Variants in GPR155 observed in about 807,000 individuals in gnomAD.
The protein encoded by GPR155 is G protein-coupled receptor 155.
A neutral mutation model predicts 93.1 loss-of-function variants in GPR155; 65 were observed. The ratio of observed to expected loss-of-function variants is 0.70; its 90% CI spans 0.57 to 0.86. The LOEUF (loss-of-function observed/expected upper bound fraction) is 0.86, where lower values mean the gene tolerates loss of function less well. GPR155 is among the 40% of genes least tolerant of loss of function. The pLI, the probability that GPR155 is intolerant of heterozygous loss-of-function variation, is 0.00. For missense variants in GPR155, 838 were observed against 1,034.8 expected (o/e 0.81, Z 2.61); for synonymous variants, 319 against 360.1 (o/e 0.89, Z 1.29).
intron 13 of GPR155, among the ~76,000 whole-genome samples, chr2:174,442,423 G>A (rs549999662): frequency 4.6e-5 from 7 of 152,196 alleles, no homozygotes; most frequent in East Asian, 1.9e-4. Flanking sequence ...CTGAGCAGCC[G>A]CATTTACATG....
intron 10 of GPR155, among the ~76,000 whole-genome samples, chr2:174,454,580 A>G (rs1439756102): frequency 6.8e-6 from 1 of 148,132 alleles, no homozygotes; most frequent in Non-Finnish European, 1.5e-5. Context: ...GCTTGAGTCC[A>G]GGAGTTTGAG....
intron 2 of GPR155, among the ~76,000 whole-genome samples, chr2:174,479,908 C>G (rs1448681554): frequency 6.6e-6 from 1 of 152,150 alleles, no homozygotes; most frequent in Non-Finnish European, 1.5e-5. Context: ...TATCTATGAG[C>G]CCAGTTTTTC....
Position 174,486,189 on chromosome 2 carries a change from G to A in GPR155, c.-32+684C>T, listed in dbSNP as rs1451014963. ...ATTCACCCACTCCTACCTACTTGCA[G>A]GGCGCCAAATGTCCTCCCTAGAGAC... On this transcript the variant is annotated intron_variant, in intron 1 of 15. Transcript: ENST00000392552. 2.6e-5 allele frequency among the ~76,000 whole-genome samples: 4 copies of A among 152,290 alleles called. No individual in the cohort carries two copies. The East Asian group carries it at 7.7e-4, about 29-fold the overall frequency.
chr2:174,465,188 T>C (rs1217395182), intron 7 of GPR155, among the ~76,000 whole-genome samples: 1 of 152,194 alleles, frequency 6.6e-6, no homozygotes, highest in Non-Finnish European at 1.5e-5. Context: ...TTCCATGCCT[T>C]TTTATTCCCC....
chr2:174,466,873 G>A, intron 5 of GPR155, among the ~76,000 whole-genome samples: 1 of 152,132 alleles, frequency 6.6e-6, no homozygotes. Flanking sequence ...AAGAACTTAT[G>A]TGGCCAGGCA....
At position 174,435,174 on chromosome 2, in the gene GPR155, C is replaced by T. The variant is rs1574685802; in HGVS notation, c.*942G>A. On this transcript the variant is annotated 3_prime_UTR_variant, in exon 16 of 16. Coordinates refer to ENST00000392552, the MANE Select transcript of GPR155 (RefSeq NM_152529.7). Reference sequence around the variant, plus strand: ...GAAAGCAATGATTATATAATGTTGGCATATTCGTATTATTTATAGTACAGT... The same window carrying T: ...GAAAGCAATGATTATATAATGTTGGTATATTCGTATTATTTATAGTACAGT... 1 of 152,108 alleles carries T rather than the reference C, an allele frequency of 6.6e-6. No homozygotes were observed. Among genetic ancestry groups the T allele is most frequent in the African/African-American group, 2.4e-5 (1 of 41,418 alleles). The allele number at this position is 152,108 out of a possible 1,614,324, so 9.4% of individuals were successfully genotyped here.
At chr2:174,452,929 C>A (rs1160253870) in intron 11 of GPR155, among the ~76,000 whole-genome samples, 1 of 152,192 alleles carries the variant, frequency 6.6e-6, no homozygotes, top group African/African-American at 2.4e-5. Context: ...GGATTACAGG[C>A]GTGAGCCACC....
At chr2:174,468,269 C>T (rs1687896859) in intron 5 of GPR155, among the ~76,000 whole-genome samples, 1 of 152,124 alleles carries the variant, frequency 6.6e-6, no homozygotes, top group African/African-American at 2.4e-5. Context: ...TCACCCCCAC[C>T]TCCATTAACT....
At chr2:174,453,209 T>C (rs1687374724) in intron 11 of GPR155, among the ~76,000 whole-genome samples, 4 of 152,234 alleles carry the variant, frequency 2.6e-5, no homozygotes, top group Admixed American at 2.6e-4. Context: ...ACACTACCTA[T>C]TATCACTTTG....
At chr2:174,478,504 G>A (rs1688230154) in intron 2 of GPR155, among the ~76,000 whole-genome samples, 1 of 152,158 alleles carries the variant, frequency 6.6e-6, no homozygotes, top group Non-Finnish European at 1.5e-5. Flanking sequence ...ACAGGCATGA[G>A]CCACCATGTC....
intron 2 of GPR155, among the ~76,000 whole-genome samples, chr2:174,475,724 T>A (rs1361691392): frequency 6.6e-6 from 1 of 152,226 alleles, no homozygotes; most frequent in African/African-American, 2.4e-5. Context: ...TTGATAACTA[T>A]TTTTAGATAA....
chr2:174,441,558 A>G (rs765603569), intron 14 of GPR155, among the ~76,000 whole-genome samples: 34 of 151,898 alleles, frequency 2.2e-4, no homozygotes, highest in Non-Finnish European at 4.1e-4. Flanking sequence ...CATTAGGTAT[A>G]TCTCCTAATG....
chr2:174,485,786 C>A (rs576333983), intron 1 of GPR155, among the ~76,000 whole-genome samples: 3 of 151,258 alleles, frequency 2.0e-5, no homozygotes, highest in Non-Finnish European at 4.4e-5. Context: ...TTAAAATGAA[C>A]AGGAACCACA....
intron 15 of GPR155, among the ~76,000 whole-genome samples, chr2:174,436,958 C>A (rs893775137): frequency 6.6e-6 from 1 of 152,178 alleles, no homozygotes; most frequent in Admixed American, 6.5e-5. Context: ...GCAGGCAAGA[C>A]AATCCTACTG....
intron 5 of GPR155, among the ~76,000 whole-genome samples, chr2:174,466,965 T>C (rs1687854622): frequency 6.6e-6 from 1 of 152,076 alleles, no homozygotes; most frequent in Non-Finnish European, 1.5e-5. Context: ...GAGACCAGCC[T>C]GGCCAACATG....
At chr2:174,464,581 G>A (rs936141372) in intron 7 of GPR155, among the ~76,000 whole-genome samples, 4 of 151,512 alleles carry the variant, frequency 2.6e-5, no homozygotes, top group Admixed American at 6.6e-5. Flanking sequence ...AGACTTTGGC[G>A]TGCATGCTTG....
chr2:174,476,073 C>T (rs577476001), intron 2 of GPR155, among the ~76,000 whole-genome samples: 4 of 152,264 alleles, frequency 2.6e-5, no homozygotes, highest in Admixed American at 2.0e-4. Context: ...TATATTTGGC[C>T]ATTCACCACA....
At chr2:174,483,765 A>G (rs1166161490) in intron 1 of GPR155, among the ~76,000 whole-genome samples, 2 of 152,024 alleles carry the variant, frequency 1.3e-5, no homozygotes, top group Admixed American at 6.6e-5. Context: ...TTGAATTTTT[A>G]GTAGAGACGG....
chr2:174,441,117 A>AT (rs36047031), intron 14 of GPR155, among the ~76,000 whole-genome samples: 33 of 151,174 alleles, frequency 2.2e-4, no homozygotes, highest in East Asian at 9.7e-4. Flanking sequence ...AGTTCCTCCA[A>AT]TTTTTTTTTG....
Sources: gnomAD v4.1 joint callset for allele counts (sites outside exome capture counted in the v4.1 genomes callset) on GRCh38, gnomAD v4.1.1 for gene constraint, MANE v1.5 for transcripts, NCBI Gene and HGNC (gene_info 2026-07-23, HGNC 2026-07-21) for gene names.